The following SNX8 variants were observed in gnomAD, a reference collection of about 807,000 sequenced individuals.
SNX8 encodes the protein sorting nexin-8.
In SNX8, 25 loss-of-function variants were observed where a neutral mutation model predicts 51.6. The ratio of observed to expected loss-of-function variants is 0.48; its 90% CI spans 0.35 to 0.68. The LOEUF is 0.68. Among genes scored for constraint, SNX8 ranks in the 30% least tolerant of loss-of-function variants. The pLI, the probability that SNX8 is intolerant of heterozygous loss-of-function variation, is 0.00. For synonymous variants in SNX8, 324 were observed against 277.0 expected, an observed-to-expected ratio of 1.17 and a Z score of -1.68; for missense variants, 695 against 624.0, an observed-to-expected ratio of 1.11 and a Z score of -1.21.
Position 2,314,416 on chromosome 7 carries a change from A to G in SNX8, c.6T>C (p.Thr2=). The G allele has an allele frequency of 8.2e-7, 1 of 1,216,026 alleles. No individual in the cohort carries two copies. Among genetic ancestry groups the G allele is most frequent in the Non-Finnish European group, 1.0e-6 (1 of 977,596 alleles). 75.3% of individuals were successfully genotyped at this position (1,216,026 alleles called of 1,614,324 possible). The part of the protein sequence containing the change: M[T]GRAMDPLPAA... ...CGGGCAGCGGGTCCATCGCGCGGCC[A>G]GTCATGTGAGCCCGCGCTCCCACGT... is the stretch of plus-strand genomic sequence containing the variant. The change falls in exon 1 of 11, where the codon ACT becomes ACC. Residue 2 remains threonine (T), a synonymous_variant. Transcript: ENST00000222990.
intron 1 of SNX8, among the ~76,000 whole-genome samples, chr7:2,281,356 C>G (rs542480833): frequency 4.6e-5 from 7 of 151,768 alleles, no homozygotes; most frequent in Non-Finnish European, 1.0e-4. Flanking sequence ...GAGTTCACGG[C>G]TGCGGTATGC....
At chr7:2,290,433 G>A (rs752216882) in intron 1 of SNX8, among the ~76,000 whole-genome samples, 1 of 139,578 alleles carries the variant, frequency 7.2e-6, no homozygotes, top group Non-Finnish European at 1.5e-5. Flanking sequence ...GAACCCAGGA[G>A]GTAGAAGTTG....
At chr7:2,285,825 G>A (rs978975064) in intron 1 of SNX8, among the ~76,000 whole-genome samples, 1 of 151,508 alleles carries the variant, frequency 6.6e-6, no homozygotes, top group Non-Finnish European at 1.5e-5. Context: ...GTACACGTGT[G>A]CACCACCATG....
rs117604289 is a variant in SNX8, at chr7:2,262,503, G to A, written c.915+727C>T. ...AGCACTGCCTGAGGTTGTGTGTGGA[G>A]CGGGAGGTGGGAGCCGCTCAGGTGC... On this transcript the variant is annotated intron_variant, in intron 7 of 10. Coordinates refer to ENST00000222990, the MANE Select transcript of SNX8 (RefSeq NM_013321.4). 2.3e-3 allele frequency among the ~76,000 whole-genome samples: 261 copies of A among 114,638 alleles called. 1 individual carries two copies. The East Asian group carries it at 0.026, about 11-fold the overall frequency. 75.2% of individuals were successfully genotyped at this position (114,638 alleles called of 152,430 possible).
intron 1 of SNX8, among the ~76,000 whole-genome samples, chr7:2,291,540 G>GA (rs1796150926): frequency 6.6e-6 from 1 of 152,054 alleles, no homozygotes; most frequent in African/African-American, 2.4e-5. Flanking sequence ...AGAGGCTGCA[G>GA]GGAGCCGAGA....
intron 10 of SNX8, among the ~76,000 whole-genome samples, chr7:2,255,659 A>G (rs1180786372): frequency 1.3e-5 from 2 of 152,178 alleles, no homozygotes; most frequent in African/African-American, 4.8e-5. Context: ...GTGAGCTGTG[A>G]TTGCACCACT....
At chr7:2,310,749 CA>C (rs1189869091) in intron 1 of SNX8, among the ~76,000 whole-genome samples, 6 of 137,732 alleles carry the variant, frequency 4.4e-5, no homozygotes, top group African/African-American at 1.6e-4. Flanking sequence ...CCAGCCTGGG[CA>C]AAAGAGTGAA....
intron 1 of SNX8, among the ~76,000 whole-genome samples, chr7:2,286,180 T>A (rs912399595): frequency 2.6e-5 from 4 of 151,382 alleles, no homozygotes; most frequent in Non-Finnish European, 4.4e-5. Context: ...CCTGACTAAT[T>A]TTTGTATTTT....
chr7:2,349,742 G>T (rs1036849464), intron 1 of SNX8, among the ~76,000 whole-genome samples: 23 of 151,742 alleles, frequency 1.5e-4, no homozygotes, highest in Admixed American at 1.2e-3. Context: ...GGCCAATTTA[G>T]CTTTTCTTAA....
intron 1 of SNX8, among the ~76,000 whole-genome samples, chr7:2,351,142 C>G (rs1467233869): frequency 6.6e-6 from 1 of 151,548 alleles, no homozygotes; most frequent in African/African-American, 2.4e-5. Flanking sequence ...AAAAATCTAC[C>G]CCTGGAAGCA....
upstream of SNX8, among the ~76,000 whole-genome samples, chr7:2,316,746 C>T (rs1796764672): frequency 6.6e-6 from 1 of 151,798 alleles, no homozygotes; most frequent in Admixed American, 6.6e-5. Context: ...TTCATTCATT[C>T]ACCCACCCAC....
At position 2,286,007 on chromosome 7, in the gene SNX8, CT is replaced by C. The variant is rs138507630; in HGVS notation, c.95-7703del. Among the ~76,000 whole-genome samples the C allele has an allele frequency of 7.6e-3, 1,085 of 143,424 alleles. 4 individuals carry two copies. Among genetic ancestry groups the C allele is most frequent in the African/African-American group, 0.013 (501 of 39,320 alleles). The allele number at this position is 143,424 out of a possible 152,430, so 94.1% of individuals were successfully genotyped here. A position where few individuals can be genotyped will look rare whatever the true frequency, so the allele number is the denominator to read the frequency against. Reference sequence around the variant, plus strand: ...CTAGGTTGTATACTTTAAACAGTAACTTTTTTTTTTTTTTTCTTTTTTGAGA... The same window carrying C: ...CTAGGTTGTATACTTTAAACAGTAACTTTTTTTTTTTTTTCTTTTTTGAGA... On this transcript the variant is annotated intron_variant, in intron 1 of 10. Coordinates refer to ENST00000222990, the MANE Select transcript of SNX8 (RefSeq NM_013321.4).
intron 1 of SNX8, among the ~76,000 whole-genome samples, chr7:2,348,991 A>G (rs369550108): frequency 2.2e-4 from 32 of 148,410 alleles, no homozygotes; most frequent in African/African-American, 7.9e-4. Context: ...CCCACAAGTT[A>G]GCAAGAGAAC....
At chr7:2,340,741 C>T (rs749655416) in intron 1 of SNX8, among the ~76,000 whole-genome samples, 24 of 151,020 alleles carry the variant, frequency 1.6e-4, no homozygotes, top group Non-Finnish European at 2.9e-4. Context: ...TGTGTACTCC[C>T]AGCTACTCAG....
chr7:2,255,125 G>C lies in SNX8; in HGVS notation c.1329C>G (p.Leu443=), dbSNP rs1316686317. 1 of 1,578,258 alleles carries C rather than the reference G, an allele frequency of 6.3e-7. No individual in the cohort carries two copies. Among genetic ancestry groups the C allele is most frequent in the South Asian group, 1.2e-5 (1 of 86,072 alleles). ...TCAGGGTGCTGTGTGGTCCCGCAAA[G>C]AGGCAGCTGAGCTTGGGCCTCAGGT... ...WNDLRPKLSC[L]FAGPHSTLTP... is the part of the protein sequence containing the mutation. Residue 443 remains leucine, a synonymous_variant, in exon 11 of 11, where the codon CTC becomes CTG. Coordinates refer to ENST00000222990, the MANE Select transcript of SNX8 (RefSeq NM_013321.4).
intron 1 of SNX8, among the ~76,000 whole-genome samples, chr7:2,291,610 G>C (rs1043637173): frequency 5.9e-5 from 7 of 118,816 alleles, no homozygotes; most frequent in Non-Finnish European, 1.3e-4. Flanking sequence ...AAAGAAAAAA[G>C]AAAAAAAAAA....
At chr7:2,343,685 T>A (rs1451856294) in intron 1 of SNX8, among the ~76,000 whole-genome samples, 1 of 151,180 alleles carries the variant, frequency 6.6e-6, no homozygotes, top group Non-Finnish European at 1.5e-5. Context: ...AATAAATAAA[T>A]AAATAAAAGA....
intron 1 of SNX8, among the ~76,000 whole-genome samples, chr7:2,291,637 G>A (rs1004528511): frequency 2.0e-5 from 3 of 150,848 alleles, no homozygotes; most frequent in Non-Finnish European, 2.9e-5. Context: ...AACCAGTCTC[G>A]GAAGACCCAA....
intron 1 of SNX8, among the ~76,000 whole-genome samples, chr7:2,335,402 A>C (rs1020188101): frequency 4.0e-5 from 6 of 151,600 alleles, no homozygotes; most frequent in African/African-American, 1.5e-4. Context: ...TAATCCCAGC[A>C]CTTTGGGAGG....
Sources: gnomAD v4.1 joint callset for allele counts (sites outside exome capture counted in the v4.1 genomes callset) on GRCh38, gnomAD v4.1.1 for gene constraint, MANE v1.5 for transcripts, NCBI Gene and HGNC (gene_info 2026-07-23, HGNC 2026-07-21) for gene names.